LYST: variants seen among roughly 807,000 people sequenced by gnomAD.
LYST encodes lysosomal-trafficking regulator.
LYST carries 192 observed loss-of-function variants against 413.6 expected under a neutral mutation model. The ratio of observed to expected loss-of-function variants is 0.46; its 90% CI spans 0.41 to 0.52. The LOEUF (loss-of-function observed/expected upper bound fraction) is 0.52. LYST is among the 20% of genes least tolerant of loss of function. The probability of loss-of-function intolerance (pLI) is 0.00; values close to 1 mark genes in which losing one functional copy is unlikely to be tolerated. For missense variants in LYST, 3,815 were observed against 4,499.9 expected (o/e 0.85, Z 4.35); for synonymous variants, 1,525 against 1,567.3 (o/e 0.97, Z 0.64).
At chr1:235,800,849 T>C (rs759553487) in intron 9 of LYST, 22 bp downstream of exon 9, 1 of 1,501,554 alleles carries the variant, frequency 6.7e-7, no homozygotes, top group South Asian at 1.1e-5. Context: ...ATTGATCACA[T>C]TTAACTAAAT....
At chr1:235,772,319 A>T (rs530504482) in intron 19 of LYST, among the ~76,000 whole-genome samples, 1 of 152,258 alleles carries the variant, frequency 6.6e-6, no homozygotes, top group East Asian at 1.9e-4. Context: ...TAACCATTTT[A>T]AAAAAATTCT....
At chr1:235,666,607 T>TACAC (rs10635511) in intron 50 of LYST, among the ~76,000 whole-genome samples, 2,305 of 141,258 alleles carry the variant, frequency 0.016, 40 homozygotes, top group African/African-American at 0.046. Flanking sequence ...CACACACACA[T>TACAC]ACACACACAC....
At chr1:235,716,605 A>G in intron 41 of LYST, 107 bp downstream of exon 41, 1 of 709,352 alleles carries the variant, frequency 1.4e-6, no homozygotes, top group Non-Finnish European at 2.5e-6. Flanking sequence ...TCCTAGTACA[A>G]GAAGGTAAAA....
At position 235,733,213 on chromosome 1, in the gene LYST, A is replaced by G. The variant is rs530853992; in HGVS notation, c.8801+290T>C. Among the ~76,000 whole-genome samples the G allele has an allele frequency of 8.5e-5, 13 of 152,232 alleles. No individual in the cohort carries two copies. In the East Asian group the frequency reaches 2.5e-3, roughly 29 times the overall value. On this transcript the variant is annotated intron_variant, in intron 34 of 52. Coordinates refer to ENST00000389793, the MANE Select transcript of LYST (RefSeq NM_000081.4). ...TTAGTTAGAAAAATATATTTTTCTCAACCATCCTGTTTCAGTGATTTCTCT... is the reference window on the plus strand; with the variant it reads ...TTAGTTAGAAAAATATATTTTTCTCGACCATCCTGTTTCAGTGATTTCTCT...
rs776644637 is a variant in LYST, at chr1:235,805,849, C to A, written c.3287G>T (p.Ser1096Ile). The A allele has an allele frequency of 6.2e-7, 1 of 1,613,746 alleles. No homozygotes were observed. The highest frequency in any genetic ancestry group is 8.5e-7 in the Non-Finnish European group (1 of 1,179,888). ...EEAKLFTSQE[S>I]ETSLQSIRLL... is the part of the protein sequence containing the mutation. ...TCGTATACTTTGAAGTGAGGTCTCA[C>A]TTTCTTGACTTGTAAATAGCTTTGC... Residue 1096 changes from serine to isoleucine, a missense_variant, in exon 6 of 53, where the codon AGT becomes ATT. Ser to Ile is a moderately radical substitution (Grantham distance 142). Around this residue, in one of 4 missense-constraint regions of LYST, gnomAD observed 1,648 missense variants for 1,810.3 expected, o/e 0.91. Coordinates refer to ENST00000389793, the MANE Select transcript of LYST (RefSeq NM_000081.4).
Position 235,724,009 on chromosome 1 carries a change from T to C in LYST, c.9315+19A>G. On this transcript the variant is annotated intron_variant, in intron 39 of 52. Transcript: ENST00000389793. ...TGAGCACTTAAACAATATATATCAA[T>C]TAATAAGGGTGAATTTACCTTGGTG... 6.2e-7 allele frequency: 1 copy of C among 1,606,530 alleles called. No individual in the cohort carries two copies. Among genetic ancestry groups the C allele is most frequent in the Non-Finnish European group, 8.5e-7 (1 of 1,173,450 alleles).
upstream of LYST, among the ~76,000 whole-genome samples, chr1:235,869,721 G>A (rs550393016): frequency 2.1e-4 from 32 of 152,074 alleles, no homozygotes; most frequent in Non-Finnish European, 3.5e-4. Flanking sequence ...TCACATCTCT[G>A]CTCAAAAATC....
Position 235,794,397 on chromosome 1 carries a change from A to G in LYST, c.4007-785T>C, listed in dbSNP as rs560925262. Among the ~76,000 whole-genome samples, 443 of 152,340 alleles carry G rather than the reference A, an allele frequency of 2.9e-3. 2 individuals carry two copies. Among genetic ancestry groups the G allele is most frequent in the African/African-American group, 0.01 (423 of 41,582 alleles). On this transcript the variant is annotated intron_variant, in intron 10 of 52. Coordinates refer to ENST00000389793, the MANE Select transcript of LYST (RefSeq NM_000081.4). ...TTGAACATTTTCTTTATTCCATCAT[A>G]GGTTTAGCATAAAACATAAATGGTG...
chr1:235,802,889 C>T lies in LYST; in HGVS notation c.3712+19G>A, dbSNP rs777281511. 1.3e-5 allele frequency: 21 copies of T among 1,612,082 alleles called. No individual in the cohort carries two copies. In the East Asian group the frequency reaches 3.6e-4, roughly 27 times the overall value. On this transcript the variant is annotated intron_variant, in intron 8 of 52. Transcript: ENST00000389793. Reference sequence around the variant, plus strand: ...TCTGGCTTGCAGATCTAATTACAAGCACTTCAATGATATTTTACCATCATC... The same window carrying T: ...TCTGGCTTGCAGATCTAATTACAAGTACTTCAATGATATTTTACCATCATC...
At chr1:235,747,417 T>G in intron 28 of LYST, 1 of 246,200 alleles carries the variant, frequency 4.1e-6, no homozygotes, top group South Asian at 4.1e-5. Context: ...TTATAACAGG[T>G]TTTAAAGACT....
At chr1:235,825,043 C>T (rs1466716534) in intron 3 of LYST, among the ~76,000 whole-genome samples, 1 of 151,842 alleles carries the variant, frequency 6.6e-6, no homozygotes, top group Non-Finnish European at 1.5e-5. Flanking sequence ...ACAACAACAA[C>T]AACAACAACA....
chr1:235,786,600 G>A (rs1287145522), intron 14 of LYST, among the ~76,000 whole-genome samples: 1 of 152,098 alleles, frequency 6.6e-6, no homozygotes, highest in East Asian at 1.9e-4. Context: ...ACATGCACAT[G>A]TATGTTTATT....
chr1:235,868,472 C>G (rs1266766691), upstream of LYST, among the ~76,000 whole-genome samples: 2 of 152,074 alleles, frequency 1.3e-5, no homozygotes, highest in South Asian at 2.1e-4. Flanking sequence ...AAACACCCCC[C>G]TTTTTTAATG....
At chr1:235,774,785 T>C in intron 18 of LYST, 128 bp downstream of exon 18, 1 of 647,186 alleles carries the variant, frequency 1.5e-6, no homozygotes, top group Non-Finnish European at 2.7e-6. Context: ...TGATTAACTA[T>C]ACACTAATAA....
chr1:235,838,333 T>G (rs1676802904), intron 1 of LYST, among the ~76,000 whole-genome samples: 1 of 152,160 alleles, frequency 6.6e-6, no homozygotes, highest in Admixed American at 6.5e-5. Flanking sequence ...AATCCAACTC[T>G]CCTTCATGTT....
intron 47 of LYST, among the ~76,000 whole-genome samples, chr1:235,688,913 A>G (rs1266820813): frequency 6.6e-6 from 1 of 151,542 alleles, no homozygotes; most frequent in Non-Finnish European, 1.5e-5. Context: ...TGAACCCAGG[A>G]GGGGGAGGTT....
At chr1:235,693,176 G>A (rs1306728745) in intron 47 of LYST, among the ~76,000 whole-genome samples, 174 bp downstream of exon 47, 3 of 152,152 alleles carry the variant, frequency 2.0e-5, no homozygotes. Context: ...AGTCAGCTGG[G>A]CGTGGTGGCA....
chr1:235,686,812 T>C lies in LYST; in HGVS notation c.10800+137A>G, dbSNP rs1043343934. On this transcript the variant is annotated intron_variant, in intron 48 of 52. Transcript: ENST00000389793. The surrounding 1 kb of genome is among the most constrained non-coding windows in gnomAD (Gnocchi z 4.0). Reference sequence around the variant, plus strand: ...GATTCTAATAAACCCTAAAGCATTTTAAGACCTAATGTAGGGAGAAGATTA... The same window carrying C: ...GATTCTAATAAACCCTAAAGCATTTCAAGACCTAATGTAGGGAGAAGATTA... The C allele has an allele frequency of 8.1e-6, 6 of 742,974 alleles. No homozygotes were observed. Among genetic ancestry groups the C allele is most frequent in the Non-Finnish European group, 1.2e-5 (5 of 413,378 alleles). The allele number at this position is 742,974 out of a possible 1,614,324, so 46.0% of individuals were successfully genotyped here.
At chr1:235,803,136 G>A in intron 7 of LYST, 72 bp from the exon 8 acceptor site, 1 of 1,187,446 alleles carries the variant, frequency 8.4e-7, no homozygotes, top group African/African-American at 1.5e-5. Flanking sequence ...TTACTCAAAA[G>A]TCATGTTAAG....
Sources: allele counts gnomAD v4.1 joint callset (sites outside exome capture counted in the v4.1 genomes callset), GRCh38; gene constraint gnomAD v4.1.1; regional missense constraint gnomAD v4.1.1; non-coding constraint Gnocchi (gnomAD v3.1); transcripts MANE v1.5; gene names NCBI Gene and HGNC (gene_info 2026-07-23, HGNC 2026-07-21).